ADSS2: variants seen among roughly 807,000 people sequenced by gnomAD.
The protein encoded by ADSS2 is adenylosuccinate synthetase isozyme 2.
Under a neutral mutation model 60.0 loss-of-function variants are expected in ADSS2, and 30 were observed. The observed-to-expected ratio is 0.50, with a 90% CI of 0.37 to 0.68. The LOEUF is 0.68. Among genes scored for constraint, ADSS2 ranks in the 30% least tolerant of loss-of-function variants. The probability of loss-of-function intolerance (pLI) is 0.00; values close to 1 mark genes in which losing one functional copy is unlikely to be tolerated. For missense variants in ADSS2, 373 were observed against 554.8 expected (o/e 0.67, Z 3.29); for synonymous variants, 187 against 193.1 (o/e 0.97, Z 0.26).
intron 12 of ADSS2, 55 bp downstream of exon 12, chr1:244,411,230 AAG>A: frequency 5.2e-6 from 8 of 1,536,520 alleles, no homozygotes; most frequent in Non-Finnish European, 6.1e-6. Context: ...AAAAAAAAAA[AAG>A]AAAAAAGAGA....
chr1:244,420,592 T>C (rs899568021), intron 7 of ADSS2, among the ~76,000 whole-genome samples: 1 of 152,234 alleles, frequency 6.6e-6, no homozygotes, highest in Non-Finnish European at 1.5e-5. Context: ...TCATACTTCA[T>C]AAACCAGCTT....
At chr1:244,443,044 T>A (rs1665286978) in intron 1 of ADSS2, among the ~76,000 whole-genome samples, 1 of 152,178 alleles carries the variant, frequency 6.6e-6, no homozygotes, top group Non-Finnish European at 1.5e-5. Flanking sequence ...TGGGCAACTC[T>A]GTGTAATATG....
chr1:244,429,328 A>C (rs574513229), intron 4 of ADSS2, among the ~76,000 whole-genome samples: 5 of 152,272 alleles, frequency 3.3e-5, no homozygotes, highest in African/African-American at 1.2e-4. Flanking sequence ...ATTATGGAAA[A>C]TTTTTTAAAT....
intron 6 of ADSS2, among the ~76,000 whole-genome samples, 162 bp downstream of exon 6, chr1:244,423,791 G>T (rs1018876455): frequency 6.6e-6 from 1 of 151,890 alleles, no homozygotes; most frequent in African/African-American, 2.4e-5. Flanking sequence ...TGTAACCAAG[G>T]ATGAATTAGA....
intron 11 of ADSS2, among the ~76,000 whole-genome samples, chr1:244,415,691 A>G (rs545772342): frequency 6.6e-6 from 1 of 152,188 alleles, no homozygotes; most frequent in Non-Finnish European, 1.5e-5. Context: ...AAACACCTCC[A>G]TGGAAATTGC....
chr1:244,441,517 G>GT (rs199523450), intron 1 of ADSS2, among the ~76,000 whole-genome samples: 4 of 151,088 alleles, frequency 2.6e-5, no homozygotes, highest in Non-Finnish European at 3.0e-5. Context: ...GTCAAACCAG[G>GT]TTTTTTTTTA....
At chr1:244,411,503 T>C (rs564643758) in intron 11 of ADSS2, 67 bp from the exon 12 acceptor site, 86 of 1,463,086 alleles carry the variant, frequency 5.9e-5, no homozygotes, top group Non-Finnish European at 6.7e-5. Context: ...TTTTGATATA[T>C]TGTAGGTTCA....
intron 11 of ADSS2, among the ~76,000 whole-genome samples, chr1:244,414,455 C>T (rs932678611): frequency 6.6e-6 from 1 of 152,164 alleles, no homozygotes; most frequent in Non-Finnish European, 1.5e-5. Flanking sequence ...AGATGCTGAT[C>T]AGAATCATTT....
intron 11 of ADSS2, among the ~76,000 whole-genome samples, chr1:244,415,417 C>T (rs1309400751): frequency 6.6e-6 from 1 of 152,200 alleles, no homozygotes; most frequent in Non-Finnish European, 1.5e-5. Context: ...TTAGAGCTAA[C>T]CTTAATTCCT....
chr1:244,444,822 T>C (rs182288557), intron 1 of ADSS2, among the ~76,000 whole-genome samples: 2 of 152,210 alleles, frequency 1.3e-5, no homozygotes, highest in Non-Finnish European at 2.9e-5. Context: ...CACATTAGAG[T>C]TTTGGAAAAC....
rs756222620 is a variant in ADSS2 at position 244,436,860 on chromosome 1, A to T, written c.320T>A (p.Phe107Tyr). Reference protein sequence around the residue: ...NGVVIHLPGLFEEAEKNVQKG... With the variant: ...NGVVIHLPGLYEEAEKNVQKG... ...TTGAACATTTTTCTCTGCTTCTTCA[A>T]ACAATCCAGGTAGATGAATTACCAC... is the stretch of plus-strand genomic sequence containing the variant. The change falls in exon 3 of 13, where the codon TTT becomes TAT. Residue 107 changes from phenylalanine (F) to tyrosine (Y), a missense_variant. By Grantham distance (22) the Phe-to-Tyr change is conservative. Coordinates refer to ENST00000366535, the MANE Select transcript of ADSS2 (RefSeq NM_001126.5). 6.2e-7 allele frequency: 1 copy of T among 1,612,370 alleles called. No individual in the cohort carries two copies. Among genetic ancestry groups the T allele is most frequent in the Admixed American group, 1.7e-5 (1 of 59,816 alleles).
Position 244,418,792 on chromosome 1 carries a change from C to T in ADSS2, c.913G>A (p.Gly305Ser), listed in dbSNP as rs1365381122. Reference sequence around the variant, plus strand: ...TGCTCTGTAGGAAAGGCACCAATACCAACTCTAGTTGTATAAGCTTTCACA... The same window carrying T: ...TGCTCTGTAGGAAAGGCACCAATACTAACTCTAGTTGTATAAGCTTTCACA... ...GVVKAYTTRV[G>S]IGAFPTEQDN... is the part of the protein sequence containing the mutation. Residue 305 changes from glycine (G) to serine (S), a missense_variant, in exon 9 of 13, where the codon GGT becomes AGT. Physicochemically the swap from Gly to Ser is moderately conservative, Grantham distance 56 (BLOSUM62 0). Transcript: ENST00000366535. 1 of 1,613,328 alleles carries T rather than the reference C, an allele frequency of 6.2e-7. No homozygotes were observed. Among genetic ancestry groups the T allele is most frequent in the Non-Finnish European group, 8.5e-7 (1 of 1,179,722 alleles).
In ADSS2 at chr1:244,451,665, C is replaced by T; in HGVS notation, c.153G>A (p.Ala51=). ...AGCGGCACACGATGTCGGCGTCCTG[C>T]GCCAGCAGGTCCACCACCTTCCCTT... The part of the protein sequence containing the change: ...EGKGKVVDLL[A]QDADIVCRCQ... Residue 51 remains alanine (A), a synonymous_variant, in exon 1 of 13, where the codon GCG becomes GCA. Transcript: ENST00000366535. This position sits in a 1 kb window ranked among gnomAD's most constrained non-coding sequence, Gnocchi z 6.6. 2 of 1,611,020 alleles carry T rather than the reference C, an allele frequency of 1.2e-6. No homozygotes were observed. The highest frequency in any genetic ancestry group is 2.2e-5 in the East Asian group (1 of 44,720).
At chr1:244,443,726 A>G (rs997346133) in intron 1 of ADSS2, among the ~76,000 whole-genome samples, 2 of 152,222 alleles carry the variant, frequency 1.3e-5, no homozygotes, top group Non-Finnish European at 2.9e-5. Flanking sequence ...AGTCCGCACA[A>G]CACCCCTATG....
At chr1:244,443,701 G>A (rs1328722000) in intron 1 of ADSS2, among the ~76,000 whole-genome samples, 1 of 152,162 alleles carries the variant, frequency 6.6e-6, no homozygotes, top group African/African-American at 2.4e-5. Flanking sequence ...AAAAACATTT[G>A]ACATTGTTTT....
intron 7 of ADSS2, among the ~76,000 whole-genome samples, chr1:244,421,029 TG>T (rs759061791): frequency 6.6e-6 from 1 of 151,676 alleles, no homozygotes. Flanking sequence ...CAAAATGTGG[TG>T]AGGGCCACGA....
At chr1:244,436,736 T>G (rs1212697198) in intron 3 of ADSS2, 89 bp downstream of exon 3, 2 of 1,166,562 alleles carry the variant, frequency 1.7e-6, no homozygotes, top group African/African-American at 3.1e-5. Context: ...TTTTAAAGCA[T>G]AAGACAAACA....
chr1:244,437,551 G>C lies in ADSS2; in HGVS notation c.286+115C>G. 3 of 747,502 alleles carry C rather than the reference G, an allele frequency of 4.0e-6. No individual in the cohort carries two copies. In the South Asian group the frequency reaches 5.2e-5, roughly 13 times the overall value. 46.3% of individuals were successfully genotyped at this position (747,502 alleles called of 1,614,324 possible). A position where few individuals can be genotyped will look rare whatever the true frequency, so the allele number is the denominator to read the frequency against. The stretch of plus-strand genomic sequence containing the variant: ...AAGGTATCAAGGTCAAAATTAATAA[G>C]AGATCAATGAACCATCTGGTCAGTG... On this transcript the variant is annotated intron_variant, in intron 2 of 12. Coordinates refer to ENST00000366535, the MANE Select transcript of ADSS2 (RefSeq NM_001126.5).
rs1057074620 is a variant in ADSS2 at position 244,418,665 on chromosome 1, A to G, written c.945+95T>C. On this transcript the variant is annotated intron_variant, in intron 9 of 12. Coordinates refer to ENST00000366535, the MANE Select transcript of ADSS2 (RefSeq NM_001126.5). ...AATGTTGTTCTGACCAATCTTGCAA[A>G]TTAAGTGAAAGGCACAGGAGACAAT... is the stretch of plus-strand genomic sequence containing the variant. The G allele has an allele frequency of 3.1e-6, 4 of 1,294,002 alleles. No individual in the cohort carries two copies. In the Admixed American group the frequency reaches 1.1e-4, roughly 37 times the overall value. 80.2% of individuals were successfully genotyped at this position (1,294,002 alleles called of 1,614,324 possible).
Sources: gnomAD v4.1 joint callset for allele counts (sites outside exome capture counted in the v4.1 genomes callset) on GRCh38, gnomAD v4.1.1 for gene constraint, Gnocchi (gnomAD v3.1) non-coding constraint, MANE v1.5 for transcripts, NCBI Gene and HGNC (gene_info 2026-07-23, HGNC 2026-07-21) for gene names.